NOL7: variants seen among roughly 807,000 people sequenced by gnomAD.
NOL7 encodes nucleolar protein 7, also known as U3 small nucleolar RNA-associated protein NOL7.
Under a neutral mutation model 38.4 loss-of-function variants are expected in NOL7, and 36 were observed. That is an observed-to-expected ratio of 0.94 (90% CI 0.72 to 1.24). The LOEUF is 1.24. Ranked by LOEUF, NOL7 falls within the 50% of genes most tolerant of loss-of-function variation. The probability of loss-of-function intolerance (pLI) is 0.00; values close to 1 mark genes in which losing one functional copy is unlikely to be tolerated. For synonymous variants in NOL7, 142 were observed against 126.5 expected, an observed-to-expected ratio of 1.12 and a Z score of -0.82; for missense variants, 350 against 315.1, an observed-to-expected ratio of 1.11 and a Z score of -0.84.
intron 3 of NOL7, 39 bp downstream of exon 3, chr6:13,616,560 ACC>A (rs780527006): frequency 5.8e-6 from 8 of 1,373,490 alleles, no homozygotes; most frequent in Non-Finnish European, 3.1e-6. Flanking sequence ...GCTTATATAC[ACC>A]CATCTTTGAA....
chr6:13,629,105 A>G (rs139457982), intron 8 of NOL7, among the ~76,000 whole-genome samples: 2 of 146,054 alleles, frequency 1.4e-5, no homozygotes, highest in East Asian at 3.9e-4. Context: ...ACAATAAAAT[A>G]TCATTGAGCC....
downstream of NOL7, among the ~76,000 whole-genome samples, chr6:13,622,677 G>T (rs1242064134): frequency 6.6e-6 from 1 of 152,192 alleles, no homozygotes; most frequent in Admixed American, 6.5e-5. Flanking sequence ...TGACAAGGTA[G>T]TGTGGGTATT....
In NOL7 at chr6:13,620,338, TTTATGGACTA is replaced by T; in HGVS notation, c.622+12_622+21del. 6.2e-7 allele frequency: 1 copy of T among 1,613,930 alleles called. No individual in the cohort carries two copies. The highest frequency in any genetic ancestry group is 8.5e-7 in the Non-Finnish European group (1 of 1,179,958). ...AACCAACAGGACTACTGGTAATTTT[TTTATGGACTA>T]TTTTTCTCACTTTTTACTGCAAATA... On this transcript the variant is annotated intron_variant, in intron 6 of 7. Coordinates refer to ENST00000451315, the MANE Select transcript of NOL7 (RefSeq NM_016167.5).
At position 13,620,759 on chromosome 6, in the gene NOL7, CAAA is replaced by C. The variant is rs544905440; in HGVS notation, c.712_714del (p.Lys238del). The stretch of plus-strand genomic sequence containing the variant: ...CAGAAAACTTTATATTCTAGGAATC[CAAA>C]AAAAACAAAATGCCAAGAGGTTTAA... On this transcript the variant is annotated inframe_deletion, in exon 8 of 8. Transcript: ENST00000451315. 10 of 1,577,038 alleles carry C rather than the reference CAAA, an allele frequency of 6.3e-6. No homozygotes were observed. Among genetic ancestry groups the C allele is most frequent in the Non-Finnish European group, 8.6e-6 (10 of 1,160,162 alleles).
chr6:13,618,498 C>T (rs990511801), intron 5 of NOL7, among the ~76,000 whole-genome samples: 17 of 152,124 alleles, frequency 1.1e-4, no homozygotes, highest in East Asian at 5.8e-4. Context: ...CCACCCGCCT[C>T]GGCCTCCCAA....
Position 13,615,490 on chromosome 6 carries a change from G to A in NOL7, c.132G>A (p.Ala44=). The change falls in exon 1 of 8, where the codon GCG becomes GCA. Residue 44 remains alanine (A), a synonymous_variant. Coordinates refer to ENST00000451315, the MANE Select transcript of NOL7 (RefSeq NM_016167.5). ...TGCTCGGGCAGCCCAGCAGCGGCGC[G>A]GCCGCCGAGCCCCTGGAGGAAGACG... The part of the protein sequence containing the change: ...GLLLGQPSSG[A]AAEPLEEDEE... 6.4e-7 allele frequency: 1 copy of A among 1,552,266 alleles called. No individual in the cohort carries two copies. The highest frequency in any genetic ancestry group is 2.4e-5 in the East Asian group (1 of 41,034).
At chr6:13,625,506 T>A, downstream of NOL7, 1 of 457,050 alleles carries the variant, frequency 2.2e-6, no homozygotes, top group Non-Finnish European at 3.9e-6. Context: ...AAGGAGGGGG[T>A]TTCTATATTT....
At chr6:13,619,818 TTA>T (rs1410546778) in intron 5 of NOL7, among the ~76,000 whole-genome samples, 20 of 152,204 alleles carry the variant, frequency 1.3e-4, no homozygotes, top group Non-Finnish European at 2.2e-4. Context: ...ATATATAAAA[TTA>T]GTTTCATTTA....
At chr6:13,616,873 C>G (rs1477722342) in intron 3 of NOL7, among the ~76,000 whole-genome samples, 1 of 152,176 alleles carries the variant, frequency 6.6e-6, no homozygotes, top group African/African-American at 2.4e-5. Flanking sequence ...GCTCTGAAAA[C>G]TTGATTTGTC....
rs146975562 is a variant in NOL7, at chr6:13,616,388, G to A, written c.328-75G>A. The A allele has an allele frequency of 2.6e-4, 265 of 1,016,224 alleles. 2 individuals are homozygous for A. In the African/African-American group the frequency reaches 3.9e-3, roughly 15 times the overall value. 63.0% of individuals were successfully genotyped at this position (1,016,224 alleles called of 1,614,324 possible). ...CTAGATGTAGGGCATTCTTAAAAGC[G>A]GTAACTTCAGAAGCAACTCCGGACA... On this transcript the variant is annotated intron_variant, in intron 2 of 7. Transcript: ENST00000451315.
chr6:13,631,881 A>G (rs1764792334), intron 8 of NOL7, among the ~76,000 whole-genome samples: 1 of 152,206 alleles, frequency 6.6e-6, no homozygotes, highest in Non-Finnish European at 1.5e-5. Context: ...TATTCTGGCC[A>G]TGAAAAGTGA....
In NOL7 at chr6:13,627,252, G is replaced by A. The variant is rs566593352; in HGVS notation, n.574-5141G>A. ...ACAAAGCTACTTGGTTCTACTTCCC[G>A]CCCCTAACCCAACCCACACTTCCCA... On this transcript the variant is annotated intron_variant and non_coding_transcript_variant, in intron 8 of 8. Coordinates refer to the NOL7 transcript ENST00000474485. 1.0e-3 allele frequency among the ~76,000 whole-genome samples: 155 copies of A among 152,066 alleles called. 2 individuals carry two copies. The highest frequency in any genetic ancestry group is 9.6e-3 in the Admixed American group (147 of 15,272).
intron 3 of NOL7, among the ~76,000 whole-genome samples, chr6:13,616,906 C>A (rs1290453478): frequency 1.3e-5 from 2 of 152,190 alleles, no homozygotes; most frequent in Non-Finnish European, 2.9e-5. Context: ...TACCTGCCAC[C>A]AACCTGTCCT....
chr6:13,618,027 G>C, intron 4 of NOL7, 31 bp from the exon 5 acceptor site: 1 of 1,244,750 alleles, frequency 8.0e-7, no homozygotes, highest in East Asian at 2.3e-5. Context: ...TTACGTGAAT[G>C]CTAATTAGAA....
downstream of NOL7, among the ~76,000 whole-genome samples, chr6:13,624,150 A>T (rs1764534638): frequency 6.6e-6 from 1 of 152,198 alleles, no homozygotes; most frequent in Non-Finnish European, 1.5e-5. Flanking sequence ...ACAAATCCTA[A>T]ATTCCGGAGA....
intron 5 of NOL7, among the ~76,000 whole-genome samples, chr6:13,618,522 C>T (rs962633450): frequency 6.6e-6 from 1 of 152,114 alleles, no homozygotes; most frequent in Non-Finnish European, 1.5e-5. Flanking sequence ...GCTGGGATTA[C>T]AGGCGTGAGC....
chr6:13,618,676 G>A (rs1202490342), intron 5 of NOL7, among the ~76,000 whole-genome samples: 1 of 152,146 alleles, frequency 6.6e-6, no homozygotes, highest in South Asian at 2.1e-4. Flanking sequence ...GATTGCTTGA[G>A]TCCAGAATTT....
chr6:13,619,022 AATAG>A (rs1268728825), intron 5 of NOL7, among the ~76,000 whole-genome samples: 3 of 152,202 alleles, frequency 2.0e-5, no homozygotes, highest in African/African-American at 7.2e-5. Context: ...CACCTCTCCC[AATAG>A]ATAGATGTTT....
At chr6:13,617,827 TTCTCATG>T (rs753277108) in intron 4 of NOL7, 26 bp downstream of exon 4, 1 of 1,603,466 alleles carries the variant, frequency 6.2e-7, no homozygotes, top group South Asian at 1.1e-5. Context: ...TTTAACTAAC[TTCTCATG>T]TAAGTGTCAA....
Sources: gnomAD v4.1 joint callset for allele counts (sites outside exome capture counted in the v4.1 genomes callset) on GRCh38, gnomAD v4.1.1 for gene constraint, MANE v1.5 for transcripts, NCBI Gene and HGNC (gene_info 2026-07-23, HGNC 2026-07-21) for gene names.